COX7A2: variants seen among roughly 807,000 people sequenced by gnomAD.
COX7A2 encodes the protein cytochrome c oxidase subunit 7A2, mitochondrial.
In COX7A2, 11 loss-of-function variants were observed where a neutral mutation model predicts 11.6. That is an observed-to-expected ratio of 0.95 (90% CI 0.60 to 1.57). The LOEUF is 1.57. Ranked by LOEUF, COX7A2 falls within the 40% of genes most tolerant of loss-of-function variation. The probability of loss-of-function intolerance (pLI) is 0.00; values close to 1 mark genes in which losing one functional copy is unlikely to be tolerated. For synonymous variants in COX7A2, 30 were observed against 38.2 expected, an observed-to-expected ratio of 0.78 and a Z score of 0.79; for missense variants, 106 against 100.9, an observed-to-expected ratio of 1.05 and a Z score of -0.22.
intron 1 of COX7A2, among the ~76,000 whole-genome samples, chr6:75,242,580 G>C (rs1222321010): frequency 8.3e-6 from 1 of 120,028 alleles, no homozygotes; most frequent in African/African-American, 3.3e-5. Flanking sequence ...CCAGCGCTTT[G>C]GGAGGCTGAG....
At position 75,243,788 on chromosome 6, in the gene COX7A2, GC is replaced by G; in HGVS notation, c.-55del. 7.4e-6 allele frequency: 12 copies of G among 1,614,018 alleles called. No homozygotes were observed. The highest frequency in any genetic ancestry group is 1.0e-5 in the Non-Finnish European group (12 of 1,179,946). On this transcript the variant is annotated 5_prime_UTR_variant, in exon 1 of 4. Transcript: ENST00000684430. Reference sequence around the variant, plus strand: ...CAACTGAACACCACCAACGAAAATGGCCACGCCGGAACCGGAACTACCTCCG... The same window carrying G: ...CAACTGAACACCACCAACGAAAATGGCACGCCGGAACCGGAACTACCTCCG...
intron 2 of COX7A2, 194 bp downstream of exon 2, chr6:75,240,982 G>A: frequency 1.9e-6 from 1 of 514,132 alleles, no homozygotes; most frequent in South Asian, 5.4e-5. Flanking sequence ...ACTTATAAAG[G>A]TAAATTGCTC....
At chr6:75,242,617 C>T (rs553517891) in intron 1 of COX7A2, among the ~76,000 whole-genome samples, 1 of 151,112 alleles carries the variant, frequency 6.6e-6, no homozygotes, top group Non-Finnish European at 1.5e-5. Flanking sequence ...AGGTCGAGTC[C>T]GAGACCAGCC....
chr6:75,246,345 C>T (rs1771681935), upstream of COX7A2, among the ~76,000 whole-genome samples: 1 of 152,120 alleles, frequency 6.6e-6, no homozygotes, highest in African/African-American at 2.4e-5. Flanking sequence ...CTCTATAAAC[C>T]AATTTATTAA....
At chr6:75,249,346 C>T (rs778151600) in intron 1 of COX7A2, among the ~76,000 whole-genome samples, 6 of 152,158 alleles carry the variant, frequency 3.9e-5, no homozygotes, top group Middle Eastern at 3.4e-3. Context: ...TGGAATCAAG[C>T]GTTGATGTGC....
chr6:75,243,651 G>A (rs1771594939), intron 1 of COX7A2, 66 bp downstream of exon 1: 5 of 1,497,580 alleles, frequency 3.3e-6, no homozygotes, highest in Admixed American at 1.7e-5. Context: ...GTTTTCTGTC[G>A]TGGTGCCTCA....
At chr6:75,240,164 T>TTA in intron 3 of COX7A2, 137 bp downstream of exon 3, 1 of 676,160 alleles carries the variant, frequency 1.5e-6, no homozygotes, top group South Asian at 1.7e-5. Flanking sequence ...TCTTGAATCA[T>TTA]TATGAGATAT....
At chr6:75,247,236 T>C (rs963914664), upstream of COX7A2, among the ~76,000 whole-genome samples, 1 of 152,152 alleles carries the variant, frequency 6.6e-6, no homozygotes, top group Non-Finnish European at 1.5e-5. Flanking sequence ...CTTGTCTGCT[T>C]TTTAGCAGAC....
chr6:75,247,034 G>A (rs1400490257), upstream of COX7A2, among the ~76,000 whole-genome samples: 3 of 152,140 alleles, frequency 2.0e-5, no homozygotes, highest in Non-Finnish European at 4.4e-5. Context: ...ACTCCGGAGG[G>A]TTTTGTAACA....
At chr6:75,245,738 TG>T (rs1771667773), upstream of COX7A2, among the ~76,000 whole-genome samples, 1 of 152,234 alleles carries the variant, frequency 6.6e-6, no homozygotes, top group African/African-American at 2.4e-5. Context: ...AGGCTTTTAC[TG>T]CTCTTGTTTA....
upstream of COX7A2, among the ~76,000 whole-genome samples, chr6:75,245,355 G>C (rs1445145842): frequency 6.6e-6 from 1 of 152,134 alleles, no homozygotes; most frequent in Non-Finnish European, 1.5e-5. Context: ...GGCGGGCGTG[G>C]TGGCGGGCGC....
intron 3 of COX7A2, 143 bp downstream of exon 3, chr6:75,240,158 G>C (rs754753017): frequency 1.5e-6 from 1 of 663,880 alleles, no homozygotes. Flanking sequence ...TCACCCTCTT[G>C]AATCATTATG....
intron 3 of COX7A2, 23 bp downstream of exon 3, chr6:75,240,278 T>G (rs752771051): frequency 8.3e-5 from 130 of 1,559,790 alleles, no homozygotes; most frequent in Middle Eastern, 1.7e-4. Context: ...TCTATAAACC[T>G]TCAAACATTC....
At chr6:75,243,575 T>C in intron 1 of COX7A2, 142 bp downstream of exon 1, 1 of 731,192 alleles carries the variant, frequency 1.4e-6, no homozygotes, top group East Asian at 2.5e-5. Flanking sequence ...GAAAGTAAGG[T>C]CAGGGAAAAA....
At chr6:75,247,925 T>C (rs1406653125), upstream of COX7A2, among the ~76,000 whole-genome samples, 1 of 152,184 alleles carries the variant, frequency 6.6e-6, no homozygotes, top group Non-Finnish European at 1.5e-5. Flanking sequence ...CCGCATTCTA[T>C]AGAGAATCTC....
upstream of COX7A2, among the ~76,000 whole-genome samples, chr6:75,246,489 T>G (rs1481722486): frequency 1.3e-5 from 2 of 152,172 alleles, no homozygotes; most frequent in Non-Finnish European, 2.9e-5. Context: ...TTTTAACGGG[T>G]TTCCCTGTTT....
intron 1 of COX7A2, 59 bp downstream of exon 1, chr6:75,243,658 C>T (rs1771595208): frequency 1.9e-6 from 3 of 1,547,214 alleles, no homozygotes; most frequent in East Asian, 4.5e-5. Context: ...GTCGTGGTGC[C>T]TCAGCCTCCT....
In COX7A2 at chr6:75,238,007, A is replaced by G. The variant is rs1374323967; in HGVS notation, c.194-19T>C. ...GCTGTTCCTAAAAATAAAAAACAAAAAAGAACTTAACCATAAATTCTAAGA... is the reference window on the plus strand; with the variant it reads ...GCTGTTCCTAAAAATAAAAAACAAAGAAGAACTTAACCATAAATTCTAAGA... On this transcript the variant is annotated intron_variant, in intron 3 of 3. Transcript: ENST00000684430. The G allele has an allele frequency of 6.7e-7, 1 of 1,498,956 alleles. No individual in the cohort carries two copies. The highest frequency in any genetic ancestry group is 9.0e-7 in the Non-Finnish European group (1 of 1,112,560). The allele number at this position is 1,498,956 out of a possible 1,614,324, so 92.9% of individuals were successfully genotyped here.
upstream of COX7A2, among the ~76,000 whole-genome samples, chr6:75,245,613 C>T (rs1438277414): frequency 6.6e-6 from 1 of 152,076 alleles, no homozygotes; most frequent in Non-Finnish European, 1.5e-5. Context: ...TTAACACATT[C>T]CCAAATTAAA....
Sources: allele counts gnomAD v4.1 joint callset (sites outside exome capture counted in the v4.1 genomes callset), GRCh38; gene constraint gnomAD v4.1.1; transcripts MANE v1.5; gene names NCBI Gene and HGNC (gene_info 2026-07-23, HGNC 2026-07-21).